Variants in PPP1CB observed in about 807,000 individuals in gnomAD.
PPP1CB encodes serine/threonine-protein phosphatase PP1-beta catalytic subunit.
Under a neutral mutation model 43.7 loss-of-function variants are expected in PPP1CB, and 2 were observed. The observed-to-expected ratio is 0.05, with a 90% CI of 0.02 to 0.14. The LOEUF (loss-of-function observed/expected upper bound fraction) is 0.14. Among genes scored for constraint, PPP1CB ranks in the 10% least tolerant of loss-of-function variants. PPP1CB has a pLI of 1.00. For missense variants in PPP1CB, 84 were observed against 398.0 expected, an observed-to-expected ratio of 0.21 and a Z score of 6.71; for synonymous variants, 136 against 135.6, an observed-to-expected ratio of 1.00 and a Z score of -0.02.
chr2:28,793,806 G>C, intron 6 of PPP1CB, 57 bp from the exon 7 acceptor site: 6 of 1,599,344 alleles, frequency 3.8e-6, no homozygotes. Flanking sequence ...AATTAGTATA[G>C]ATGGTTCAGA....
intron 5 of PPP1CB, among the ~76,000 whole-genome samples, chr2:28,785,429 T>C (rs906570237): frequency 1.3e-5 from 2 of 152,134 alleles, no homozygotes; most frequent in African/African-American, 2.4e-5. Context: ...TTTTTTAAAG[T>C]ATGCATTTTA....
At chr2:28,760,983 C>T (rs1033000424) in intron 1 of PPP1CB, among the ~76,000 whole-genome samples, 2 of 152,150 alleles carry the variant, frequency 1.3e-5, no homozygotes, top group African/African-American at 2.4e-5. Context: ...TCACTGCAGC[C>T]TCCGCCTCCT....
intron 1 of PPP1CB, among the ~76,000 whole-genome samples, chr2:28,753,819 C>A (rs1013988031): frequency 1.3e-5 from 2 of 152,096 alleles, no homozygotes; most frequent in East Asian, 3.9e-4. Context: ...CTGCAACCTC[C>A]GCCTCCCGGG....
intron 1 of PPP1CB, among the ~76,000 whole-genome samples, chr2:28,769,952 C>T (rs892374371): frequency 6.6e-6 from 1 of 152,056 alleles, no homozygotes; most frequent in African/African-American, 2.4e-5. Flanking sequence ...TCAACTTCGT[C>T]GATGATTATA....
intron 5 of PPP1CB, among the ~76,000 whole-genome samples, 172 bp from the exon 6 acceptor site, chr2:28,788,486 G>A (rs923139737): frequency 3.9e-5 from 6 of 152,216 alleles, no homozygotes; most frequent in Non-Finnish European, 8.8e-5. Flanking sequence ...TGGTTTGTAT[G>A]GTTGCTTTAA....
intron 1 of PPP1CB, among the ~76,000 whole-genome samples, chr2:28,774,531 T>A (rs1179702733): frequency 3.3e-5 from 5 of 151,938 alleles, no homozygotes; most frequent in African/African-American, 1.2e-4. Flanking sequence ...GTTCAAGGAG[T>A]TCTCCTGCCT....
rs6740859 is a variant in PPP1CB at position 28,782,057 on chromosome 2, G to A, written c.520+215G>A. Reference sequence around the variant, plus strand: ...TCTTTAAATACAGTTTCACATATAAGGAGTGTAACTAGAGTTGTTTGAGAA... The same window carrying A: ...TCTTTAAATACAGTTTCACATATAAAGAGTGTAACTAGAGTTGTTTGAGAA... On this transcript the variant is annotated intron_variant, in intron 4 of 7. Transcript: ENST00000395366. The A allele has an allele frequency of 1, 586,143 of 588,126 alleles. 292,107 individuals carry two copies. The highest frequency in any genetic ancestry group is 1 in the Non-Finnish European group (333,678 of 333,692). The allele number at this position is 588,126 out of a possible 1,614,324, so 36.4% of individuals were successfully genotyped here. A position where few individuals can be genotyped will look rare whatever the true frequency, so the allele number is the denominator to read the frequency against.
intron 1 of PPP1CB, among the ~76,000 whole-genome samples, chr2:28,766,871 GGAGATTGA>G (rs1666788255): frequency 6.6e-6 from 1 of 152,184 alleles, no homozygotes; most frequent in African/African-American, 2.4e-5. Flanking sequence ...CACGAGGTCA[GGAGATTGA>G]GATCATCCTG....
chr2:28,768,649 T>A (rs1393663288), intron 1 of PPP1CB, among the ~76,000 whole-genome samples: 3 of 152,066 alleles, frequency 2.0e-5, no homozygotes, highest in Non-Finnish European at 4.4e-5. Flanking sequence ...CTCAGGAAAA[T>A]GAGTTACTGC....
chr2:28,800,318 A>G lies in PPP1CB; in HGVS notation c.*1015A>G, dbSNP rs1275179676. ...TTTTGACAAGCCTTGGAAAGCTGAC[A>G]CTGTCTCTTTTTCCTCCCTCTATAC... On this transcript the variant is annotated 3_prime_UTR_variant, in exon 8 of 8. Coordinates refer to ENST00000395366, the MANE Select transcript of PPP1CB (RefSeq NM_002709.3). 7.1e-6 allele frequency: 1 copy of G among 141,702 alleles called. No homozygotes were observed. The highest frequency in any genetic ancestry group is 2.1e-4 in the East Asian group (1 of 4,856). The allele number at this position is 141,702 out of a possible 1,614,324, so 8.8% of individuals were successfully genotyped here.
intron 1 of PPP1CB, among the ~76,000 whole-genome samples, chr2:28,763,219 A>G (rs1360457874): frequency 3.9e-5 from 6 of 152,192 alleles, no homozygotes; most frequent in Non-Finnish European, 5.9e-5. Context: ...GTAGATTATT[A>G]AAGAGATGTA....
chr2:28,799,084 A>T (rs897451565), intron 7 of PPP1CB, 115 bp from the exon 8 acceptor site: 5 of 680,496 alleles, frequency 7.3e-6, no homozygotes, highest in Non-Finnish European at 1.3e-5. Context: ...TTGCTATTCT[A>T]CATTTTTATT....
chr2:28,788,168 A>G (rs79799288), intron 5 of PPP1CB, among the ~76,000 whole-genome samples: 42 of 152,350 alleles, frequency 2.8e-4, no homozygotes, highest in African/African-American at 9.9e-4. Flanking sequence ...TGAAAAAAAA[A>G]TGGAGGATAC....
At position 28,799,586 on chromosome 2, in the gene PPP1CB, A is replaced by G. The variant is rs1031907699; in HGVS notation, c.*283A>G. The G allele has an allele frequency of 3.6e-6, 1 of 279,694 alleles. No individual in the cohort carries two copies. Among genetic ancestry groups the G allele is most frequent in the African/African-American group, 2.2e-5 (1 of 45,664 alleles). The allele number at this position is 279,694 out of a possible 1,614,324, so 17.3% of individuals were successfully genotyped here. On this transcript the variant is annotated 3_prime_UTR_variant, in exon 8 of 8. Coordinates refer to ENST00000395366, the MANE Select transcript of PPP1CB (RefSeq NM_002709.3). Reference sequence around the variant, plus strand: ...ATCACAATTTTTAAAGTTGAAAAGCATCCCAGTTAAACTAGATGTGATAGT... The same window carrying G: ...ATCACAATTTTTAAAGTTGAAAAGCGTCCCAGTTAAACTAGATGTGATAGT...
At chr2:28,779,239 G>A (rs1332982879) in intron 3 of PPP1CB, among the ~76,000 whole-genome samples, 200 bp downstream of exon 3, 10 of 152,142 alleles carry the variant, frequency 6.6e-5, no homozygotes, top group South Asian at 2.1e-4. Flanking sequence ...ATTTCAGATT[G>A]ACTGCAGCTT....
At chr2:28,762,457 C>T (rs1666678168) in intron 1 of PPP1CB, among the ~76,000 whole-genome samples, 1 of 152,104 alleles carries the variant, frequency 6.6e-6, no homozygotes, top group Non-Finnish European at 1.5e-5. Flanking sequence ...TGTTTTGTTT[C>T]AGTCTTTTGA....
intron 1 of PPP1CB, among the ~76,000 whole-genome samples, chr2:28,763,863 A>G (rs939564600): frequency 6.6e-6 from 1 of 151,756 alleles, no homozygotes; most frequent in African/African-American, 2.4e-5. Context: ...GCGCCACCAC[A>G]CCTGGCTTAT....
At chr2:28,777,478 C>G (rs1427126376) in intron 2 of PPP1CB, among the ~76,000 whole-genome samples, 1 of 152,132 alleles carries the variant, frequency 6.6e-6, no homozygotes, top group Non-Finnish European at 1.5e-5. Context: ...TTTAGAGGGT[C>G]AATATGGCGA....
At chr2:28,752,569 A>C (rs1485611152) in intron 1 of PPP1CB, among the ~76,000 whole-genome samples, 1 of 152,156 alleles carries the variant, frequency 6.6e-6, no homozygotes, top group Non-Finnish European at 1.5e-5. Flanking sequence ...CGTCCGTGGA[A>C]TCACTGTTCT....
Sources: allele counts gnomAD v4.1 joint callset (sites outside exome capture counted in the v4.1 genomes callset), GRCh38; gene constraint gnomAD v4.1.1; transcripts MANE v1.5; gene names NCBI Gene and HGNC (gene_info 2026-07-23, HGNC 2026-07-21).